Variants in TAPT1 observed in about 807,000 individuals in gnomAD.
TAPT1 encodes the protein transmembrane anterior posterior transformation 1.
In TAPT1, 28 loss-of-function variants were observed where a neutral mutation model predicts 65.6. The observed-to-expected ratio is 0.43, with a 90% CI of 0.32 to 0.59. The LOEUF (loss-of-function observed/expected upper bound fraction) is 0.59, where lower values mean the gene tolerates loss of function less well. Among genes scored for constraint, TAPT1 ranks in the 20% least tolerant of loss-of-function variants. The probability of loss-of-function intolerance (pLI) is 0.09; values close to 1 mark genes in which losing one functional copy is unlikely to be tolerated. For synonymous variants in TAPT1, 278 were observed against 245.2 expected, an observed-to-expected ratio of 1.13 and a Z score of -1.25; for missense variants, 563 against 679.9, an observed-to-expected ratio of 0.83 and a Z score of 1.91.
chr4:16,219,470 T>C (rs1751124558), intron 1 of TAPT1, among the ~76,000 whole-genome samples: 2 of 152,084 alleles, frequency 1.3e-5, no homozygotes, highest in Admixed American at 1.3e-4. Context: ...TGCCGGTGAG[T>C]TCTGAATGTA....
intron 2 of TAPT1, among the ~76,000 whole-genome samples, chr4:16,206,311 GCTTCT>G (rs1472766979): frequency 2.0e-5 from 3 of 152,232 alleles, no homozygotes; most frequent in Non-Finnish European, 4.4e-5. Flanking sequence ...AGACTTTCTT[GCTTCT>G]CTTACTTCCA....
At chr4:16,185,188 C>G (rs1216771498) in intron 7 of TAPT1, among the ~76,000 whole-genome samples, 1 of 151,650 alleles carries the variant, frequency 6.6e-6, no homozygotes, top group Non-Finnish European at 1.5e-5. Context: ...TCCAACTGTT[C>G]CAGCATTACT....
At chr4:16,204,116 C>T (rs1750198475) in intron 2 of TAPT1, among the ~76,000 whole-genome samples, 1 of 152,232 alleles carries the variant, frequency 6.6e-6, no homozygotes, top group South Asian at 2.1e-4. Context: ...TCTCCTATCA[C>T]TGAGAAGCCT....
rs749065554 is a variant in TAPT1, at chr4:16,186,763, G to A, written c.846+18C>T. The A allele has an allele frequency of 5.8e-6, 9 of 1,550,660 alleles. No individual in the cohort carries two copies. The highest frequency in any genetic ancestry group is 3.4e-5 in the Admixed American group (2 of 58,548). On this transcript the variant is annotated intron_variant, in intron 6 of 13. Transcript: ENST00000405303. The stretch of plus-strand genomic sequence containing the variant: ...TGCCTGTATAACTTCAAAAATGTAA[G>A]ATAAATCTCATACTTACATTATTAG...
intron 2 of TAPT1, among the ~76,000 whole-genome samples, chr4:16,211,391 TAGC>T (rs1750646782): frequency 6.6e-6 from 1 of 152,220 alleles, no homozygotes; most frequent in Non-Finnish European, 1.5e-5. Flanking sequence ...GCCTTAAAGA[TAGC>T]AGAGTGAATT....
chr4:16,204,558 A>T (rs775588400), intron 2 of TAPT1, among the ~76,000 whole-genome samples: 1 of 152,284 alleles, frequency 6.6e-6, no homozygotes, highest in African/African-American at 2.4e-5. Flanking sequence ...AGTGAAAACA[A>T]TAAAAGGACA....
intron 2 of TAPT1, among the ~76,000 whole-genome samples, chr4:16,212,061 A>C (rs1750677940): frequency 6.6e-6 from 1 of 152,244 alleles, no homozygotes; most frequent in African/African-American, 2.4e-5. Flanking sequence ...AGGTAACAAA[A>C]TCAGGAGTGG....
At chr4:16,211,242 A>G (rs1276409830) in intron 2 of TAPT1, among the ~76,000 whole-genome samples, 1 of 152,022 alleles carries the variant, frequency 6.6e-6, no homozygotes, top group Non-Finnish European at 1.5e-5. Context: ...AAAAAAAATG[A>G]GTAAGATATT....
intron 7 of TAPT1, among the ~76,000 whole-genome samples, chr4:16,183,320 TG>T (rs545609620): frequency 1.4e-4 from 22 of 152,168 alleles, no homozygotes; most frequent in Non-Finnish European, 2.6e-4. Context: ...ATTTTTTTTT[TG>T]GTGCTAAGTA....
chr4:16,188,308 A>G lies in TAPT1; in HGVS notation c.660T>C (p.Ala220=), dbSNP rs751197536. The G allele has an allele frequency of 1.9e-6, 3 of 1,610,388 alleles. No homozygotes were observed. Among genetic ancestry groups the G allele is most frequent in the Non-Finnish European group, 2.5e-6 (3 of 1,178,400 alleles). The change falls in exon 5 of 14, where the codon GCT becomes GCC. Residue 220 remains alanine, a synonymous_variant. Transcript: ENST00000405303. ...FSSFGQDILD[A]LYWTATEPKE... is the part of the protein sequence containing the mutation. Reference sequence around the variant, plus strand: ...TAGGCTCTGTTGCTGTCCAATAGAGAGCATCTAATATGTCTTGTCCAAAAG... The same window carrying G: ...TAGGCTCTGTTGCTGTCCAATAGAGGGCATCTAATATGTCTTGTCCAAAAG...
chr4:16,226,414 C>T lies in TAPT1; in HGVS notation c.44G>A (p.Gly15Asp), dbSNP rs1438001487. ...GDAAAPGEGG[G>D]GGVDGPQRDG... ...CCGCTGCGGGCCGTCCACGCCGCCA[C>T]CGCCGCCTTCTCCCGGAGCGGCCGC... Residue 15 changes from glycine to aspartate, a missense_variant, in exon 1 of 14, where the codon GGT becomes GAT. This residue lies in a region of TAPT1 where 103 missense variants were observed against 89.4 expected (regional missense o/e 1.15). Transcript: ENST00000405303. The T allele has an allele frequency of 3.7e-6, 4 of 1,088,570 alleles. No individual in the cohort carries two copies. Among genetic ancestry groups the T allele is most frequent in the Non-Finnish European group, 4.5e-6 (4 of 897,582 alleles). The allele number at this position is 1,088,570 out of a possible 1,614,324, so 67.4% of individuals were successfully genotyped here.
chr4:16,224,363 G>C (rs969005155), intron 1 of TAPT1, among the ~76,000 whole-genome samples: 2 of 152,192 alleles, frequency 1.3e-5, no homozygotes, highest in African/African-American at 4.8e-5. Flanking sequence ...AACAAATATG[G>C]TTATCGGAGC....
intron 11 of TAPT1, among the ~76,000 whole-genome samples, chr4:16,173,122 C>T (rs147450832): frequency 2.0e-5 from 3 of 152,290 alleles, no homozygotes; most frequent in African/African-American, 7.2e-5. Context: ...CTGTGCCCAG[C>T]TGGTTGCATC....
intron 4 of TAPT1, among the ~76,000 whole-genome samples, chr4:16,188,802 C>G (rs1749177938): frequency 6.6e-6 from 1 of 152,080 alleles, no homozygotes; most frequent in Admixed American, 6.5e-5. Flanking sequence ...CGCCTGTAGT[C>G]CCAGCTACTC....
intron 1 of TAPT1, among the ~76,000 whole-genome samples, chr4:16,219,507 C>T (rs1751126941): frequency 6.6e-6 from 1 of 152,124 alleles, no homozygotes; most frequent in South Asian, 2.1e-4. Context: ...ACAATTAGCG[C>T]GATGCTAATA....
At chr4:16,226,757 G>A (rs1328762857), upstream of TAPT1, 2 of 152,114 alleles carry the variant, frequency 1.3e-5, no homozygotes, top group African/African-American at 4.9e-5. Context: ...ATGCAGCCGG[G>A]CTGCGCGGTC....
rs1298146455 is a variant in TAPT1, at chr4:16,161,482, A to G, written c.*1826T>C. ...ATAATTCAAGCGGAACTGAAGATCTATCCAAACCATGTTCCTGCTCTGAAA... is the reference window on the plus strand; with the variant it reads ...ATAATTCAAGCGGAACTGAAGATCTGTCCAAACCATGTTCCTGCTCTGAAA... On this transcript the variant is annotated 3_prime_UTR_variant, in exon 14 of 14. Transcript: ENST00000405303. 6.6e-6 allele frequency: 1 copy of G among 152,664 alleles called. No individual in the cohort carries two copies. Among genetic ancestry groups the G allele is most frequent in the Non-Finnish European group, 1.5e-5 (1 of 68,048 alleles). 9.5% of individuals were successfully genotyped at this position (152,664 alleles called of 1,614,324 possible).
At chr4:16,177,068 TAGA>T (rs1166347786) in intron 8 of TAPT1, among the ~76,000 whole-genome samples, 1 of 152,206 alleles carries the variant, frequency 6.6e-6, no homozygotes, top group Non-Finnish European at 1.5e-5. Context: ...GACCTAGTGA[TAGA>T]TAGATAAGTA....
chr4:16,203,346 C>A (rs1193308189), intron 2 of TAPT1, among the ~76,000 whole-genome samples: 1 of 152,134 alleles, frequency 6.6e-6, no homozygotes, highest in African/African-American at 2.4e-5. Context: ...AATAAATTGC[C>A]CTGCCTCCAC....
Sources: gnomAD v4.1 joint callset for allele counts (sites outside exome capture counted in the v4.1 genomes callset) on GRCh38, gnomAD v4.1.1 for gene constraint, gnomAD v4.1.1 regional missense constraint, MANE v1.5 for transcripts, NCBI Gene and HGNC (gene_info 2026-07-23, HGNC 2026-07-21) for gene names.